PDE4D: variants seen among roughly 807,000 people sequenced by gnomAD.
PDE4D encodes the protein phosphodiesterase 4D.
Under a neutral mutation model 87.4 loss-of-function variants are expected in PDE4D, and 24 were observed. The observed-to-expected ratio is 0.27, with a 90% CI of 0.20 to 0.39. The LOEUF (loss-of-function observed/expected upper bound fraction) is 0.39, where lower values mean the gene tolerates loss of function less well. Ranked by LOEUF, PDE4D falls within the 10% of genes least tolerant of loss-of-function variation. The pLI, the probability that PDE4D is intolerant of heterozygous loss-of-function variation, is 1.00. For missense variants in PDE4D, 714 were observed against 1,041.0 expected, an observed-to-expected ratio of 0.69 and a Z score of 4.32; for synonymous variants, 384 against 383.2, an observed-to-expected ratio of 1.00 and a Z score of -0.02.
chr5:59,222,349 T>C (rs1334198866), intron 1 of PDE4D, among the ~76,000 whole-genome samples: 4 of 152,168 alleles, frequency 2.6e-5, no homozygotes, highest in African/African-American at 9.7e-5. Context: ...TTTTTGACCA[T>C]GATATGGGCC....
intron 1 of PDE4D, among the ~76,000 whole-genome samples, chr5:59,750,417 C>A (rs922033593): frequency 7.2e-5 from 11 of 152,146 alleles, no homozygotes; most frequent in Non-Finnish European, 1.5e-4. Flanking sequence ...AACTTCCCCC[C>A]TCCCTCAAAT....
At chr5:59,342,434 T>C (rs559349783) in intron 1 of PDE4D, among the ~76,000 whole-genome samples, 6 of 152,256 alleles carry the variant, frequency 3.9e-5, no homozygotes, top group African/African-American at 7.2e-5. Flanking sequence ...GAGAAGACAA[T>C]TACCTATCTC....
intron 1 of PDE4D, among the ~76,000 whole-genome samples, chr5:60,318,580 T>C (rs1755874243): frequency 6.6e-6 from 1 of 152,146 alleles, no homozygotes; most frequent in African/African-American, 2.4e-5. Context: ...TTCCTAGCCT[T>C]GATGGTCTTT....
chr5:60,447,446 T>C (rs1203934797), intron 1 of PDE4D, among the ~76,000 whole-genome samples: 1 of 152,028 alleles, frequency 6.6e-6, no homozygotes, highest in Non-Finnish European at 1.5e-5. Context: ...CCTTTGCTTC[T>C]CCCCTCCTTT....
At chr5:60,469,663 T>C (rs954355543) in intron 1 of PDE4D, among the ~76,000 whole-genome samples, 3 of 152,192 alleles carry the variant, frequency 2.0e-5, no homozygotes, top group Non-Finnish European at 4.4e-5. Context: ...ATATTTAAAA[T>C]TTTTCATTGT....
chr5:59,177,295 G>A (rs1218253244), intron 5 of PDE4D, among the ~76,000 whole-genome samples: 3 of 152,146 alleles, frequency 2.0e-5, no homozygotes, highest in Non-Finnish European at 2.9e-5. Context: ...CCAGAATTGT[G>A]AGAAATAAAT....
chr5:59,103,105 A>G (rs763113959), intron 5 of PDE4D, among the ~76,000 whole-genome samples: 3 of 152,170 alleles, frequency 2.0e-5, no homozygotes, highest in African/African-American at 7.2e-5. Context: ...CTACTTGTCA[A>G]TATATTTCTC....
intron 1 of PDE4D, among the ~76,000 whole-genome samples, chr5:60,438,444 T>C (rs955996181): frequency 3.9e-5 from 6 of 152,148 alleles, no homozygotes; most frequent in African/African-American, 1.2e-4. Flanking sequence ...TTTTGTATGC[T>C]TCCCCCTTTA....
chr5:60,348,450 T>TA (rs137871915), intron 1 of PDE4D, among the ~76,000 whole-genome samples: 10,451 of 151,954 alleles, frequency 0.069, 402 homozygotes, highest in Non-Finnish European at 0.082. Context: ...ACTCAAATTT[T>TA]AAAAAAAACT....
intron 1 of PDE4D, among the ~76,000 whole-genome samples, chr5:60,471,237 C>T (rs181689358): frequency 3.7e-4 from 57 of 152,162 alleles, no homozygotes; most frequent in African/African-American, 1.3e-3. Context: ...AGAAGTGGAG[C>T]CTGAAGATGT....
chr5:60,119,895 CA>C (rs1446817398), intron 2 of PDE4D, among the ~76,000 whole-genome samples: 1 of 152,122 alleles, frequency 6.6e-6, no homozygotes, highest in Non-Finnish European at 1.5e-5. Flanking sequence ...TGGGTGTCAT[CA>C]GTATATACAT....
chr5:60,233,502 G>C (rs1583163672), intron 1 of PDE4D, among the ~76,000 whole-genome samples: 1 of 150,822 alleles, frequency 6.6e-6, no homozygotes, highest in Non-Finnish European at 1.5e-5. Flanking sequence ...AGTGCCAACT[G>C]TTCCTTTAGC....
chr5:59,955,298 AC>A (rs1219421643), intron 3 of PDE4D, among the ~76,000 whole-genome samples: 1 of 152,204 alleles, frequency 6.6e-6, no homozygotes, highest in Non-Finnish European at 1.5e-5. Flanking sequence ...TAAATGTTTA[AC>A]CCATCCAAGT....
chr5:59,750,335 C>T (rs1376943635), intron 1 of PDE4D, among the ~76,000 whole-genome samples: 1 of 152,010 alleles, frequency 6.6e-6, no homozygotes, highest in Non-Finnish European at 1.5e-5. Context: ...AAGGAATGAC[C>T]CAAGTCTTTA....
At position 59,887,895 on chromosome 5, in the gene PDE4D, G is replaced by A. The variant is rs113754506; in HGVS notation, c.455+5273C>T. Among the ~76,000 whole-genome samples the A allele has an allele frequency of 8.6e-3, 1,307 of 152,290 alleles. 20 individuals are homozygous for A. Among genetic ancestry groups the A allele is most frequent in the African/African-American group, 0.03 (1,264 of 41,538 alleles). On this transcript the variant is annotated intron_variant, in intron 1 of 14. Transcript: ENST00000340635. ...AACTTTTGGTTCAAGGCTATAACCT[G>A]GAAGTTGGGGCTACTGATGGTTAAA...
chr5:60,166,836 A>AT (rs907287962), intron 2 of PDE4D, among the ~76,000 whole-genome samples: 13 of 148,324 alleles, frequency 8.8e-5, no homozygotes, highest in African/African-American at 2.0e-4. Flanking sequence ...CTTGGCTGGC[A>AT]TTTTTTTTTT....
At chr5:59,909,984 G>A (rs1363381402) in intron 3 of PDE4D, among the ~76,000 whole-genome samples, 3 of 152,024 alleles carry the variant, frequency 2.0e-5, no homozygotes, top group Admixed American at 6.6e-5. Flanking sequence ...CCCCACCATC[G>A]TACTTCTCTG....
chr5:59,997,246 A>G (rs564803070), intron 2 of PDE4D, among the ~76,000 whole-genome samples: 1 of 152,322 alleles, frequency 6.6e-6, no homozygotes, highest in East Asian at 1.9e-4. Flanking sequence ...ATAGAATCCC[A>G]AGTGTAGAAA....
At chr5:59,760,801 A>T (rs867561461) in intron 1 of PDE4D, among the ~76,000 whole-genome samples, 34 of 152,194 alleles carry the variant, frequency 2.2e-4, no homozygotes, top group South Asian at 6.2e-4. Flanking sequence ...ATTGACTGTT[A>T]AATTCAGGAA....
Sources: allele counts gnomAD v4.1 joint callset (sites outside exome capture counted in the v4.1 genomes callset), GRCh38; gene constraint gnomAD v4.1.1; transcripts MANE v1.5; gene names NCBI Gene and HGNC (gene_info 2026-07-23, HGNC 2026-07-21).